DPH5: variants seen among roughly 807,000 people sequenced by gnomAD.
DPH5 encodes diphthine methyl ester synthase.
In DPH5, 31 loss-of-function variants were observed where a neutral mutation model predicts 31.6. The ratio of observed to expected loss-of-function variants is 0.98; its 90% CI spans 0.74 to 1.32. The LOEUF is 1.32. DPH5 is among the 40% of genes most tolerant of loss of function. The pLI, the probability that DPH5 is intolerant of heterozygous loss-of-function variation, is 0.00. For missense variants in DPH5, 309 were observed against 335.7 expected (o/e 0.92, Z 0.62); for synonymous variants, 120 against 115.0 (o/e 1.04, Z -0.28).
intron 7 of DPH5, among the ~76,000 whole-genome samples, chr1:100,992,059 C>T (rs1203701513): frequency 6.6e-6 from 1 of 151,376 alleles, no homozygotes; most frequent in Non-Finnish European, 1.5e-5. Context: ...GATAGTGCCT[C>T]TGCACTCCAG....
chr1:101,024,755 G>C (rs1436675664), intron 2 of DPH5, among the ~76,000 whole-genome samples: 1 of 152,170 alleles, frequency 6.6e-6, no homozygotes, highest in Non-Finnish European at 1.5e-5. Context: ...ACTCATGTAA[G>C]TGTATACTCA....
At chr1:100,992,993 A>G (rs1657922467) in intron 6 of DPH5, among the ~76,000 whole-genome samples, 1 of 150,676 alleles carries the variant, frequency 6.6e-6, no homozygotes. Context: ...ATAGATGTCT[A>G]AATGAAAGTT....
intron 2 of DPH5, among the ~76,000 whole-genome samples, chr1:101,022,646 G>A (rs1483501501): frequency 6.6e-6 from 1 of 151,870 alleles, no homozygotes; most frequent in Non-Finnish European, 1.5e-5. Context: ...TAAATAATAC[G>A]GTTTCTTACA....
At chr1:101,025,138 C>T in intron 2 of DPH5, 171 bp downstream of exon 2, 1 of 775,344 alleles carries the variant, frequency 1.3e-6, no homozygotes, top group South Asian at 2.2e-5. Flanking sequence ...TTCCAAGTCA[C>T]TTGGTTGGTG....
intron 4 of DPH5, among the ~76,000 whole-genome samples, chr1:101,002,386 A>G (rs1658935128): frequency 6.6e-6 from 1 of 152,180 alleles, no homozygotes; most frequent in African/African-American, 2.4e-5. Context: ...ATATTACTGT[A>G]AGATTTTATA....
At chr1:101,023,904 A>T (rs1003212783) in intron 2 of DPH5, among the ~76,000 whole-genome samples, 1 of 152,226 alleles carries the variant, frequency 6.6e-6, no homozygotes, top group Non-Finnish European at 1.5e-5. Flanking sequence ...ATAAAACTAT[A>T]ACCAAACTTT....
chr1:100,992,976 C>T (rs999291860), intron 6 of DPH5, among the ~76,000 whole-genome samples: 5 of 152,104 alleles, frequency 3.3e-5, no homozygotes, highest in Non-Finnish European at 4.4e-5. Context: ...GGCAGGAACA[C>T]ATAAAGATAG....
At position 101,001,591 on chromosome 1, in the gene DPH5, G is replaced by GA. The variant is rs553852357; in HGVS notation, c.370-5dup. Reference sequence around the variant, plus strand: ...CTGTCTCTCCAAACTTATATAACTAGAAAAAAAAACATTAATTAATGATGG... The same window carrying GA: ...CTGTCTCTCCAAACTTATATAACTAGAAAAAAAAAACATTAATTAATGATGG... On this transcript the variant is annotated splice_region_variant and splice_polypyrimidine_tract_variant and intron_variant, in intron 4 of 7. Transcript: ENST00000370109. The GA allele has an allele frequency of 1.7e-3, 2,600 of 1,495,346 alleles. No homozygotes were observed. Among genetic ancestry groups the GA allele is most frequent in the South Asian group, 1.9e-3 (152 of 80,612 alleles). 92.6% of individuals were successfully genotyped at this position (1,495,346 alleles called of 1,614,324 possible). A position where few individuals can be genotyped will look rare whatever the true frequency, so the allele number is the denominator to read the frequency against.
At chr1:100,992,840 C>T (rs1051566656) in intron 6 of DPH5, 100 bp from the exon 7 acceptor site, 8 of 709,474 alleles carry the variant, frequency 1.1e-5, no homozygotes, top group Non-Finnish European at 1.9e-5. Flanking sequence ...GTACCACAGT[C>T]TACATTCTGT....
intron 2 of DPH5, among the ~76,000 whole-genome samples, chr1:101,022,430 C>A (rs1660523496): frequency 6.6e-6 from 1 of 152,204 alleles, no homozygotes; most frequent in Non-Finnish European, 1.5e-5. Flanking sequence ...TTCCCTGCAG[C>A]TCAACTCTAG....
chr1:101,003,514 A>G (rs928314290), intron 4 of DPH5, among the ~76,000 whole-genome samples: 4 of 152,224 alleles, frequency 2.6e-5, no homozygotes, highest in Admixed American at 2.0e-4. Context: ...TTAATCATGG[A>G]CAAGTCAAGT....
rs555409312 is a variant in DPH5, at chr1:101,014,717, C to A, written c.261-899G>T. ...TGCAACATTGTGTGATACCATTTTACCCACAGTGGAACCTCTTTCAAAACT... is the reference window on the plus strand; with the variant it reads ...TGCAACATTGTGTGATACCATTTTAACCACAGTGGAACCTCTTTCAAAACT... On this transcript the variant is annotated intron_variant, in intron 3 of 7. Coordinates refer to ENST00000370109, the MANE Select transcript of DPH5 (RefSeq NM_015958.3). Among the ~76,000 whole-genome samples the A allele has an allele frequency of 9.2e-5, 14 of 152,298 alleles. No individual in the cohort carries two copies. The East Asian group carries it at 2.7e-3, about 29-fold the overall frequency.
chr1:100,993,067 C>T (rs990860602), intron 6 of DPH5, among the ~76,000 whole-genome samples: 2 of 152,166 alleles, frequency 1.3e-5, no homozygotes, highest in Admixed American at 1.3e-4. Context: ...TTGGTCTATA[C>T]TCTAGCTTAA....
Position 101,005,472 on chromosome 1 carries a change from T to C in DPH5, c.370-3885A>G, listed in dbSNP as rs1362551429. 6.6e-5 allele frequency among the ~76,000 whole-genome samples: 10 copies of C among 152,202 alleles called. 1 individual carries two copies. ...CCACATACAATTTGCATGCCATTGA[T>C]GTAACATTGATTTTTGATGACACTA... On this transcript the variant is annotated intron_variant, in intron 4 of 7. Coordinates refer to ENST00000370109, the MANE Select transcript of DPH5 (RefSeq NM_015958.3).
At chr1:101,011,836 C>A (rs1443662959) in intron 4 of DPH5, among the ~76,000 whole-genome samples, 1 of 146,788 alleles carries the variant, frequency 6.8e-6, no homozygotes, top group Non-Finnish European at 1.5e-5. Flanking sequence ...GTTTACATAT[C>A]TTTATTTATC....
chr1:101,015,945 T>G (rs2101266268), intron 3 of DPH5, among the ~76,000 whole-genome samples: 1 of 152,346 alleles, frequency 6.6e-6, no homozygotes, highest in East Asian at 1.9e-4. Flanking sequence ...AAGGGAATAT[T>G]GTGGCAGGTT....
At chr1:101,015,733 T>C (rs1660029406) in intron 3 of DPH5, among the ~76,000 whole-genome samples, 1 of 152,228 alleles carries the variant, frequency 6.6e-6, no homozygotes, top group Admixed American at 6.5e-5. Flanking sequence ...TGTGTAGTGA[T>C]TCATCAGTTA....
At chr1:101,021,858 A>ACT in intron 2 of DPH5, 93 bp from the exon 3 acceptor site, 7 of 1,157,706 alleles carry the variant, frequency 6.0e-6, no homozygotes, top group East Asian at 5.4e-5. Flanking sequence ...ACACACACAC[A>ACT]CTCTTTGTTT....
chr1:100,995,853 A>G (rs1319114125), intron 5 of DPH5: 3 of 152,244 alleles, frequency 2.0e-5, no homozygotes, highest in Admixed American at 2.0e-4. Context: ...CTCAGTATAC[A>G]ACAGCAACAG....
Sources: allele counts gnomAD v4.1 joint callset (sites outside exome capture counted in the v4.1 genomes callset), GRCh38; gene constraint gnomAD v4.1.1; transcripts MANE v1.5; gene names NCBI Gene and HGNC (gene_info 2026-07-23, HGNC 2026-07-21).